Variants in BACH1 observed in about 807,000 individuals in gnomAD.
The protein encoded by BACH1 is transcription regulator protein BACH1.
BACH1 carries 35 observed loss-of-function variants against 52.9 expected under a neutral mutation model. The ratio of observed to expected loss-of-function variants is 0.66; its 90% CI spans 0.51 to 0.88. The LOEUF is 0.88. Ranked by LOEUF, BACH1 falls within the 40% of genes least tolerant of loss-of-function variation. BACH1 has a pLI of 0.00. For missense variants in BACH1, 808 were observed against 872.6 expected (o/e 0.93, Z 0.93); for synonymous variants, 321 against 319.6 (o/e 1.00, Z -0.05).
In BACH1 at chr21:29,342,731, A is replaced by C. The variant is rs1209567518; in HGVS notation, c.2109A>C (p.Thr703=). The C allele has an allele frequency of 7.4e-6, 12 of 1,614,096 alleles. No homozygotes were observed. The highest frequency in any genetic ancestry group is 1.0e-5 in the Non-Finnish European group (12 of 1,180,044). The change falls in exon 5 of 5, where the codon ACA becomes ACC. Residue 703 remains threonine (T), a synonymous_variant. Coordinates refer to ENST00000286800, the MANE Select transcript of BACH1 (RefSeq NM_001186.4). The part of the protein sequence containing the change: ...ARGQESQQMS[T]ATSEQAGPAE... Reference sequence around the variant, plus strand: ...GGCAGGAGTCCCAGCAGATGTCCACAGCCACCTCTGAGCAAGCTGGGCCTG... The same window carrying C: ...GGCAGGAGTCCCAGCAGATGTCCACCGCCACCTCTGAGCAAGCTGGGCCTG...
chr21:29,328,247 T>A (rs1025511961), intron 3 of BACH1, among the ~76,000 whole-genome samples: 2 of 152,204 alleles, frequency 1.3e-5, no homozygotes, highest in African/African-American at 4.8e-5. Context: ...TTAGCATGAG[T>A]TACATGTAGC....
Position 29,329,510 on chromosome 21 carries a change from A to G in BACH1, c.1593A>G (p.Gln531=), listed in dbSNP as rs1418646957. Residue 531 remains glutamine, a synonymous_variant, in exon 4 of 5, where the codon CAA becomes CAG. Transcript: ENST00000286800. ...AGGTAAAACTGCCATTCAATGCACA[A>G]CGGATAATTTCACTGTCTCGAAATG... is the stretch of plus-strand genomic sequence containing the variant. ...ECEVKLPFNA[Q]RIISLSRNDF... 2.5e-6 allele frequency: 4 copies of G among 1,587,894 alleles called. No homozygotes were observed. In the Admixed American group the frequency reaches 5.6e-5, roughly 22 times the overall value.
At chr21:29,356,599 C>T (rs1424683645) in intron 2 of BACH1, among the ~76,000 whole-genome samples, 2 of 152,192 alleles carry the variant, frequency 1.3e-5, no homozygotes, top group Non-Finnish European at 2.9e-5. Flanking sequence ...CTGGTCAGAC[C>T]TTTGTATGGT....
At chr21:29,299,402 A>G (rs1407732421) in intron 1 of BACH1, 1 of 152,338 alleles carries the variant, frequency 6.6e-6, no homozygotes, top group East Asian at 1.9e-4. Flanking sequence ...CTCCCACCGC[A>G]TGCCCAGCCT....
intron 2 of BACH1, among the ~76,000 whole-genome samples, chr21:29,352,333 C>T (rs1006815886): frequency 3.3e-5 from 5 of 152,104 alleles, no homozygotes; most frequent in Non-Finnish European, 7.4e-5. Flanking sequence ...GGATTGCAGG[C>T]GTGAGCCACT....
chr21:29,336,358 G>C (rs377712079), intron 4 of BACH1, among the ~76,000 whole-genome samples: 2 of 152,130 alleles, frequency 1.3e-5, no homozygotes, highest in East Asian at 3.9e-4. Flanking sequence ...ATATTGTGTC[G>C]CCTAGGGAGG....
chr21:29,311,391 T>C (rs1450780168), intron 1 of BACH1, among the ~76,000 whole-genome samples: 1 of 152,202 alleles, frequency 6.6e-6, no homozygotes, highest in African/African-American at 2.4e-5. Context: ...TTTAAGTTTG[T>C]GTTTTTAGTC....
rs956456433 is a variant in BACH1, at chr21:29,344,743, C to T, written c.*1910C>T. On this transcript the variant is annotated 3_prime_UTR_variant, in exon 5 of 5. Transcript: ENST00000286800. Reference sequence around the variant, plus strand: ...CTTGTAATTTTAAATTTCAGCTTCACGATATAAAATAATATAAGAACTTCT... The same window carrying T: ...CTTGTAATTTTAAATTTCAGCTTCATGATATAAAATAATATAAGAACTTCT... 2 of 152,056 alleles carry T rather than the reference C, an allele frequency of 1.3e-5. No homozygotes were observed. Among genetic ancestry groups the T allele is most frequent in the African/African-American group, 2.4e-5 (1 of 41,246 alleles). The allele number at this position is 152,056 out of a possible 1,614,324, so 9.4% of individuals were successfully genotyped here. A position where few individuals can be genotyped will look rare whatever the true frequency, so the allele number is the denominator to read the frequency against.
chr21:29,358,770 A>AAAAGAAAAGAAAGAAAGAAAG lies in BACH1; in HGVS notation c.472+29084_472+29085insAGAAAGAAAGAAAGAAAGAAA, dbSNP rs1409780180. ...AAAAGAAAAGAAAAGAAAAGAAAAG[A>AAAAGAAAAGAAAGAAAGAAAG]AAAGAAAGAAAGAAAGAAAGAAAGA... On this transcript the variant is annotated intron_variant, in intron 2 of 4. Transcript: ENST00000422809. Among the ~76,000 whole-genome samples the AAAAGAAAAGAAAGAAAGAAAG allele has an allele frequency of 2.2e-3, 237 of 108,938 alleles. 1 individual carries two copies. The highest frequency in any genetic ancestry group is 9.3e-3 in the Middle Eastern group (2 of 214). 71.5% of individuals were successfully genotyped at this position (108,938 alleles called of 152,430 possible).
At chr21:29,347,176 A>G (rs1361224327), downstream of BACH1, among the ~76,000 whole-genome samples, 1 of 152,206 alleles carries the variant, frequency 6.6e-6, no homozygotes, top group Non-Finnish European at 1.5e-5. Flanking sequence ...TGAAGTCCAT[A>G]TCGCTGATGG....
At chr21:29,361,743 A>G (rs567381265) in intron 2 of BACH1, 1 of 152,374 alleles carries the variant, frequency 6.6e-6, no homozygotes, top group South Asian at 2.1e-4. Context: ...AGTGTATTTC[A>G]TAAAAGCAAA....
chr21:29,316,687 G>A (rs2088791031), intron 1 of BACH1, among the ~76,000 whole-genome samples: 1 of 152,308 alleles, frequency 6.6e-6, no homozygotes, highest in East Asian at 1.9e-4. Context: ...TAGGAGAAAT[G>A]ATTTTCAGAA....
chr21:29,358,812 A>AGAAAGAAAGAAAGAAAG (rs2089253853), intron 2 of BACH1, among the ~76,000 whole-genome samples: 39 of 146,568 alleles, frequency 2.7e-4, no homozygotes, highest in Middle Eastern at 3.5e-3. Flanking sequence ...GAAAGAAAGA[A>AGAAAGAAAGAAAGAAAG]AGAAGAAAGA....
chr21:29,317,162 C>T (rs1180196571), intron 1 of BACH1, among the ~76,000 whole-genome samples: 1 of 152,202 alleles, frequency 6.6e-6, no homozygotes, highest in African/African-American at 2.4e-5. Flanking sequence ...ACTCTAATGC[C>T]TGATGGTCTG....
At position 29,329,542 on chromosome 21, in the gene BACH1, A is replaced by G; in HGVS notation, c.1625A>G (p.Gln542Arg). The change falls in exon 4 of 5, where the codon CAG (glutamine) becomes CGG (arginine). Residue 542 changes from glutamine to arginine, a missense_variant. Coordinates refer to ENST00000286800, the MANE Select transcript of BACH1 (RefSeq NM_001186.4). ...RIISLSRNDFQSLLKMHKLTP... is the reference protein window; with the variant it reads ...RIISLSRNDFRSLLKMHKLTP... ...ATTTCACTGTCTCGAAATGATTTTC[A>G]GTCCTTGTTGAAAATGCACAAGCTT... 1 of 1,602,436 alleles carries G rather than the reference A, an allele frequency of 6.2e-7. No homozygotes were observed. The highest frequency in any genetic ancestry group is 8.5e-7 in the Non-Finnish European group (1 of 1,176,174).
intron 1 of BACH1, among the ~76,000 whole-genome samples, chr21:29,309,229 G>A (rs1006377665): frequency 1.0e-4 from 15 of 148,636 alleles, no homozygotes; most frequent in African/African-American, 3.7e-4. Context: ...CTGCACTCCA[G>A]CCTGGGTGAC....
At chr21:29,314,028 A>G (rs2088758801) in intron 1 of BACH1, among the ~76,000 whole-genome samples, 1 of 152,240 alleles carries the variant, frequency 6.6e-6, no homozygotes, top group Non-Finnish European at 1.5e-5. Context: ...CATGACAGAA[A>G]ATATGTATTC....
intron 2 of BACH1, among the ~76,000 whole-genome samples, chr21:29,324,529 AG>A (rs2088886930): frequency 6.7e-6 from 1 of 149,098 alleles, no homozygotes; most frequent in Non-Finnish European, 1.5e-5. Flanking sequence ...TTTATTGCTG[AG>A]TAATATTCTG....
rs1202759130 is a variant in BACH1, at chr21:29,345,696, C to CA, written c.*2864dup. ...GTAGACGATACAGGTTGCATGTGGA[C>CA]ACTCAGTCACATTAACAACTTGGGA... On this transcript the variant is annotated 3_prime_UTR_variant, in exon 5 of 5. Transcript: ENST00000286800. The CA allele has an allele frequency of 6.6e-6, 1 of 152,494 alleles. No homozygotes were observed. Among genetic ancestry groups the CA allele is most frequent in the African/African-American group, 2.4e-5 (1 of 41,398 alleles). 9.4% of individuals were successfully genotyped at this position (152,494 alleles called of 1,614,324 possible). A position where few individuals can be genotyped will look rare whatever the true frequency, so the allele number is the denominator to read the frequency against.
Sources: gnomAD v4.1 joint callset for allele counts (sites outside exome capture counted in the v4.1 genomes callset) on GRCh38, gnomAD v4.1.1 for gene constraint, MANE v1.5 for transcripts, NCBI Gene and HGNC (gene_info 2026-07-23, HGNC 2026-07-21) for gene names.